The following RPS6KC1 variants were observed in gnomAD, a reference collection of about 807,000 sequenced individuals.
The protein encoded by RPS6KC1 is inactive ribosomal protein S6 kinase delta-1.
In RPS6KC1, 54 loss-of-function variants were observed where a neutral mutation model predicts 103.8. The observed-to-expected ratio is 0.52, with a 90% CI of 0.42 to 0.65. The LOEUF is 0.65. RPS6KC1 is among the 30% of genes least tolerant of loss of function. The pLI, the probability that RPS6KC1 is intolerant of heterozygous loss-of-function variation, is 0.00. For missense variants in RPS6KC1, 1,151 were observed against 1,253.8 expected (o/e 0.92, Z 1.24); for synonymous variants, 439 against 438.7 (o/e 1.00, Z -0.01).
chr1:213,737,353 G>T, the RPS6KC1 span, among the ~76,000 whole-genome samples: 1 of 152,188 alleles, frequency 6.6e-6, no homozygotes, highest in Non-Finnish European at 1.5e-5. Flanking sequence ...CTAGGCTAAT[G>T]CTAGAACATA....
At chr1:213,419,602 C>G in the RPS6KC1 span, among the ~76,000 whole-genome samples, 3 of 152,186 alleles carry the variant, frequency 2.0e-5, no homozygotes, top group Non-Finnish European at 4.4e-5. Flanking sequence ...CAGCATACTG[C>G]CCCCGTCTGT....
the RPS6KC1 span, among the ~76,000 whole-genome samples, chr1:213,853,446 C>T: frequency 1.3e-5 from 2 of 152,156 alleles, no homozygotes; most frequent in Admixed American, 6.5e-5. Flanking sequence ...TGCTGCTATC[C>T]AGAACAATGT....
intron 6 of RPS6KC1, among the ~76,000 whole-genome samples, chr1:213,158,635 A>G (rs1302690571): frequency 6.6e-6 from 1 of 152,254 alleles, no homozygotes; most frequent in African/African-American, 2.4e-5. Context: ...AAAGAGTTAA[A>G]TAAGCTTGGA....
the RPS6KC1 span, among the ~76,000 whole-genome samples, chr1:213,828,638 T>A: frequency 1.4e-4 from 22 of 152,246 alleles, no homozygotes; most frequent in Non-Finnish European, 1.5e-5. Flanking sequence ...ATTCATAAAA[T>A]TTTGGACTTT....
At chr1:213,266,351 T>G (rs2094911502) in intron 14 of RPS6KC1, among the ~76,000 whole-genome samples, 1 of 151,904 alleles carries the variant, frequency 6.6e-6, no homozygotes, top group African/African-American at 2.4e-5. Context: ...CATCCAAGAG[T>G]GGAATTTCCT....
At chr1:213,247,552 T>C (rs17020327) in intron 12 of RPS6KC1, among the ~76,000 whole-genome samples, 2,600 of 152,294 alleles carry the variant, frequency 0.017, 150 homozygotes, top group East Asian at 0.16. Flanking sequence ...GTTTAAAATA[T>C]CTTGAGGCTA....
chr1:213,634,788 A>G, the RPS6KC1 span, among the ~76,000 whole-genome samples: 1 of 150,124 alleles, frequency 6.7e-6, no homozygotes, highest in Non-Finnish European at 1.5e-5. Flanking sequence ...TAAAAAATCC[A>G]TAAAGTTAAA....
chr1:213,499,568 C>G, the RPS6KC1 span, among the ~76,000 whole-genome samples: 1 of 152,160 alleles, frequency 6.6e-6, no homozygotes, highest in Non-Finnish European at 1.5e-5. Flanking sequence ...ACTCTCATGC[C>G]TCTGCTGATC....
At chr1:213,677,185 A>G in the RPS6KC1 span, among the ~76,000 whole-genome samples, 1 of 152,166 alleles carries the variant, frequency 6.6e-6, no homozygotes, top group Admixed American at 6.5e-5. Context: ...CATCCCTAAG[A>G]GCATCTGGCC....
At chr1:213,230,577 A>G (rs537679263) in intron 9 of RPS6KC1, 33 bp downstream of exon 9, 15 of 1,561,728 alleles carry the variant, frequency 9.6e-6, no homozygotes, top group Admixed American at 5.2e-5. Context: ...CGCGGTGCCT[A>G]TAATTCCAGC....
chr1:213,835,234 G>A, the RPS6KC1 span, among the ~76,000 whole-genome samples: 1 of 152,216 alleles, frequency 6.6e-6, no homozygotes, highest in Non-Finnish European at 1.5e-5. Flanking sequence ...CCAAAAGAAA[G>A]CCAGTGTGGC....
the RPS6KC1 span, among the ~76,000 whole-genome samples, chr1:213,372,190 AGGTGGGT>A: frequency 1.3e-5 from 2 of 152,348 alleles, no homozygotes; most frequent in African/African-American, 2.4e-5. Context: ...GGACCTGTGC[AGGTGGGT>A]GCTGCTGAGA....
At chr1:213,216,217 G>T (rs542150526) in intron 8 of RPS6KC1, among the ~76,000 whole-genome samples, 2 of 152,222 alleles carry the variant, frequency 1.3e-5, no homozygotes, top group African/African-American at 4.8e-5. Flanking sequence ...AAAAAGGCAG[G>T]TGTTGCAATC....
At chr1:213,845,325 A>G in the RPS6KC1 span, among the ~76,000 whole-genome samples, 144 of 152,258 alleles carry the variant, frequency 9.5e-4, 1 homozygote, top group African/African-American at 3.3e-3. Flanking sequence ...CAAACCAAAG[A>G]ACTGGGATCT....
chr1:213,211,713 G>C (rs1474410591), intron 8 of RPS6KC1, among the ~76,000 whole-genome samples: 1 of 152,134 alleles, frequency 6.6e-6, no homozygotes, highest in Admixed American at 6.5e-5. Context: ...ACATCATTGA[G>C]GAATGGCTTA....
At chr1:213,491,100 T>G in the RPS6KC1 span, among the ~76,000 whole-genome samples, 2 of 152,182 alleles carry the variant, frequency 1.3e-5, no homozygotes, top group Non-Finnish European at 2.9e-5. Context: ...CTGTGGTGGT[T>G]AGGCACTGAG....
At chr1:213,226,596 A>G (rs1030332067) in intron 8 of RPS6KC1, among the ~76,000 whole-genome samples, 1 of 151,956 alleles carries the variant, frequency 6.6e-6, no homozygotes, top group African/African-American at 2.4e-5. Flanking sequence ...TATATATGTC[A>G]CCTCTATTTT....
At chr1:213,260,332 T>C (rs2094755901) in intron 12 of RPS6KC1, among the ~76,000 whole-genome samples, 1 of 152,068 alleles carries the variant, frequency 6.6e-6, no homozygotes, top group Non-Finnish European at 1.5e-5. Context: ...TGTGAAGGGG[T>C]AGAGTTCCAT....
intron 12 of RPS6KC1, among the ~76,000 whole-genome samples, chr1:213,248,199 C>A (rs1488467667): frequency 6.6e-6 from 1 of 151,970 alleles, no homozygotes; most frequent in Non-Finnish European, 1.5e-5. Flanking sequence ...GGAGATACTA[C>A]TTTTTTTCCT....
Sources: allele counts gnomAD v4.1 joint callset (sites outside exome capture counted in the v4.1 genomes callset), GRCh38; gene constraint gnomAD v4.1.1; transcripts MANE v1.5; gene names NCBI Gene and HGNC (gene_info 2026-07-23, HGNC 2026-07-21).